The following SCFD2 variants were observed in gnomAD, a reference collection of about 807,000 sequenced individuals.
The protein encoded by SCFD2 is sec1 family domain-containing protein 2.
A neutral mutation model predicts 58.9 loss-of-function variants in SCFD2; 54 were observed. The ratio of observed to expected loss-of-function variants is 0.92; its 90% CI spans 0.74 to 1.15. The LOEUF (loss-of-function observed/expected upper bound fraction) is 1.15. SCFD2 is among the 50% of genes most tolerant of loss of function. The pLI, the probability that SCFD2 is intolerant of heterozygous loss-of-function variation, is 0.00. For missense variants in SCFD2, 805 were observed against 836.6 expected (o/e 0.96, Z 0.47); for synonymous variants, 321 against 335.9 (o/e 0.96, Z 0.49).
chr4:52,899,979 G>A (rs529830314), intron 7 of SCFD2, among the ~76,000 whole-genome samples: 4 of 152,142 alleles, frequency 2.6e-5, no homozygotes, highest in African/African-American at 7.2e-5. Context: ...CGTAGTTCTC[G>A]TGCCGTGGTT....
rs181543466 is a variant in SCFD2, at chr4:52,918,937, T to C, written c.1707+1788A>G. 1.1e-4 allele frequency among the ~76,000 whole-genome samples: 16 copies of C among 152,204 alleles called. 1 individual carries two copies. The highest frequency in any genetic ancestry group is 7.8e-4 in the Admixed American group (12 of 15,292). On this transcript the variant is annotated intron_variant, in intron 6 of 8. Coordinates refer to ENST00000401642, the MANE Select transcript of SCFD2 (RefSeq NM_152540.4). ...ATTTAATCCCCCCAATGTACACACA[T>C]TACCCTACCTCCACTCCACTTCCCA...
chr4:53,136,588 G>A (rs1324681482), intron 5 of SCFD2, among the ~76,000 whole-genome samples: 2 of 152,168 alleles, frequency 1.3e-5, no homozygotes, highest in East Asian at 3.9e-4. Context: ...CCCAAACCAT[G>A]TTTGAAAAAC....
At chr4:52,887,927 G>A (rs1285420645) in intron 7 of SCFD2, among the ~76,000 whole-genome samples, 7 of 123,822 alleles carry the variant, frequency 5.7e-5, no homozygotes, top group South Asian at 2.5e-4. Context: ...TTTTTGAGAC[G>A]GAGTCTCGCT....
At chr4:53,095,749 C>A (rs1241873619) in intron 5 of SCFD2, among the ~76,000 whole-genome samples, 1 of 151,866 alleles carries the variant, frequency 6.6e-6, no homozygotes, top group Non-Finnish European at 1.5e-5. Context: ...ACTTTAAGTT[C>A]TAGGGTACAT....
At chr4:53,211,334 G>A (rs1452534843) in intron 4 of SCFD2, among the ~76,000 whole-genome samples, 1 of 151,824 alleles carries the variant, frequency 6.6e-6, no homozygotes, top group Non-Finnish European at 1.5e-5. Context: ...CCCAGGGTGG[G>A]CATGGAAGCT....
At chr4:53,238,126 G>T (rs1209912392) in intron 4 of SCFD2, among the ~76,000 whole-genome samples, 1 of 133,350 alleles carries the variant, frequency 7.5e-6, no homozygotes, top group African/African-American at 2.8e-5. Context: ...AGTAGGGGTG[G>T]CCGGGCAGAG....
intron 2 of SCFD2, among the ~76,000 whole-genome samples, chr4:53,343,235 A>T (rs1479707683): frequency 6.6e-6 from 1 of 152,188 alleles, no homozygotes; most frequent in Non-Finnish European, 1.5e-5. Flanking sequence ...AAGAGAGAAG[A>T]ATCAAATAGA....
chr4:53,151,827 G>A (rs1340759025), intron 4 of SCFD2, among the ~76,000 whole-genome samples: 1 of 152,240 alleles, frequency 6.6e-6, no homozygotes, highest in Non-Finnish European at 1.5e-5. Flanking sequence ...GCATCTCTTG[G>A]CTTCTGGTAA....
chr4:53,338,251 T>C (rs1361276322), intron 2 of SCFD2, among the ~76,000 whole-genome samples: 1 of 152,200 alleles, frequency 6.6e-6, no homozygotes, highest in Non-Finnish European at 1.5e-5. Context: ...GAGAAACTCA[T>C]ATGCCCATCA....
At chr4:52,882,202 T>C (rs1008211780) in intron 8 of SCFD2, among the ~76,000 whole-genome samples, 3 of 152,086 alleles carry the variant, frequency 2.0e-5, no homozygotes, top group East Asian at 3.9e-4. Flanking sequence ...ACTGATGATA[T>C]TCAGTTTGGA....
At chr4:53,114,090 C>T (rs1313583727) in intron 5 of SCFD2, among the ~76,000 whole-genome samples, 12 of 152,060 alleles carry the variant, frequency 7.9e-5, no homozygotes, top group African/African-American at 2.9e-4. Context: ...CTTAAACTTT[C>T]GTTCCTTTAA....
chr4:53,265,564 G>C (rs934882564), intron 4 of SCFD2: 1 of 152,070 alleles, frequency 6.6e-6, no homozygotes, highest in Non-Finnish European at 1.5e-5. Flanking sequence ...GCCAAAGAGA[G>C]CACCTAATGC....
intron 5 of SCFD2, among the ~76,000 whole-genome samples, chr4:53,063,964 T>C (rs1451510901): frequency 6.6e-6 from 1 of 152,048 alleles, no homozygotes; most frequent in Non-Finnish European, 1.5e-5. Context: ...CAAATTGCAG[T>C]CTCCACCTTC....
rs565555075 is a variant in SCFD2, at chr4:53,164,572, T to C, written c.1312-18990A>G. 3.3e-5 allele frequency among the ~76,000 whole-genome samples: 5 copies of C among 152,166 alleles called. No homozygotes were observed. The East Asian group carries it at 9.7e-4, about 29-fold the overall frequency. On this transcript the variant is annotated intron_variant, in intron 4 of 8. Transcript: ENST00000401642. The stretch of plus-strand genomic sequence containing the variant: ...ACTGTGGGAGGCCAAGGCGGGCAGA[T>C]AACTGGAGATGAGGTGTTCAAGACC...
At chr4:53,076,362 T>C (rs1723974335) in intron 5 of SCFD2, among the ~76,000 whole-genome samples, 1 of 152,106 alleles carries the variant, frequency 6.6e-6, no homozygotes, top group African/African-American at 2.4e-5. Context: ...GAACAGGAAG[T>C]TCAAAAGACA....
At chr4:53,192,776 A>C (rs1727952160) in intron 4 of SCFD2, among the ~76,000 whole-genome samples, 1 of 152,218 alleles carries the variant, frequency 6.6e-6, no homozygotes, top group South Asian at 2.1e-4. Context: ...GTCACTGTAT[A>C]GTAAATGCTA....
chr4:53,228,069 T>C (rs1729282332), intron 4 of SCFD2, among the ~76,000 whole-genome samples: 1 of 152,308 alleles, frequency 6.6e-6, no homozygotes, highest in East Asian at 1.9e-4. Context: ...TAAGCTTCTG[T>C]TCCTTCCTCT....
At chr4:52,979,913 C>T (rs1198388449) in intron 5 of SCFD2, among the ~76,000 whole-genome samples, 1 of 152,084 alleles carries the variant, frequency 6.6e-6, no homozygotes, top group Non-Finnish European at 1.5e-5. Context: ...TATCTGTCAC[C>T]AGTTTCTTCT....
At chr4:53,199,938 A>AAGAGCAAGAGAGAGTGAGAGTG (rs1432026101) in intron 4 of SCFD2, among the ~76,000 whole-genome samples, 25 of 151,808 alleles carry the variant, frequency 1.6e-4, no homozygotes, top group Admixed American at 1.6e-3. Context: ...AGGCGGGAAG[A>AAGAGCAAGAGAGAGTGAGAGTG]AGAGCAAGAG....
Sources: allele counts gnomAD v4.1 joint callset (sites outside exome capture counted in the v4.1 genomes callset), GRCh38; gene constraint gnomAD v4.1.1; transcripts MANE v1.5; gene names NCBI Gene and HGNC (gene_info 2026-07-23, HGNC 2026-07-21).